The following PTBP2 variants were observed in gnomAD, a reference collection of about 807,000 sequenced individuals.
The protein encoded by PTBP2 is polypyrimidine tract binding protein 2, also known as polypyrimidine tract-binding protein 2.
PTBP2 carries 13 observed loss-of-function variants against 61.4 expected under a neutral mutation model. The observed-to-expected ratio is 0.21, with a 90% CI of 0.14 to 0.34. The LOEUF (loss-of-function observed/expected upper bound fraction) is 0.34. PTBP2 is among the 10% of genes least tolerant of loss of function. PTBP2 has a pLI of 1.00. For missense variants in PTBP2, 405 were observed against 642.6 expected (o/e 0.63, Z 4.00); for synonymous variants, 215 against 218.5 (o/e 0.98, Z 0.14).
chr1:96,766,692 C>T (rs1656760191), intron 3 of PTBP2, among the ~76,000 whole-genome samples: 2 of 152,092 alleles, frequency 1.3e-5, no homozygotes, highest in Non-Finnish European at 2.9e-5. Context: ...ATATTTGGCA[C>T]TAAGATATGA....
intron 9 of PTBP2, among the ~76,000 whole-genome samples, chr1:96,805,348 T>A (rs1206778470): frequency 1.3e-5 from 2 of 152,214 alleles, no homozygotes; most frequent in African/African-American, 4.8e-5. Flanking sequence ...GCATTTTTTT[T>A]AAATCTTATT....
chr1:96,816,270 C>G (rs1489582959), downstream of PTBP2: 1 of 152,096 alleles, frequency 6.6e-6, no homozygotes, highest in Non-Finnish European at 1.5e-5. Flanking sequence ...ATTTTTAATT[C>G]AGTACATCAA....
chr1:96,803,183 G>A lies in PTBP2; in HGVS notation c.905-1617G>A, dbSNP rs1174971859. ...ATTCAAAGACACACTGAAGACTATT[G>A]TGCATTAGTAAGTATTAAACATGAG... On this transcript the variant is annotated intron_variant, in intron 8 of 13. Coordinates refer to ENST00000674951, the MANE Select transcript of PTBP2 (RefSeq NM_021190.4). Among the ~76,000 whole-genome samples the A allele has an allele frequency of 7.2e-5, 11 of 152,126 alleles. 1 individual carries two copies. The highest frequency in any genetic ancestry group is 7.2e-4 in the Admixed American group (11 of 15,282).
chr1:96,734,903 CTTTTTT>C (rs369053938), intron 2 of PTBP2, among the ~76,000 whole-genome samples: 2 of 124,964 alleles, frequency 1.6e-5, no homozygotes, highest in Non-Finnish European at 3.3e-5. Flanking sequence ...CTTTTTTTTT[CTTTTTT>C]TTTTTTTTTT....
At chr1:96,778,029 T>TGCTACAA in intron 7 of PTBP2, 83 bp downstream of exon 7, 2 of 588,984 alleles carry the variant, frequency 3.4e-6, no homozygotes, top group Non-Finnish European at 5.5e-6. Context: ...GTATACTTAA[T>TGCTACAA]GATATCTTGT....
intron 2 of PTBP2, among the ~76,000 whole-genome samples, chr1:96,744,965 T>C (rs190661781): frequency 1.0e-3 from 154 of 152,312 alleles, no homozygotes; most frequent in African/African-American, 3.5e-3. Flanking sequence ...AATTGTCCTC[T>C]CACAAATGTA....
Position 96,791,829 on chromosome 1 carries a change from T to TTTTTTG in PTBP2, c.904+6580_904+6581insGTTTTT, listed in dbSNP as rs1227829597. Among the ~76,000 whole-genome samples the TTTTTTG allele has an allele frequency of 2.6e-3, 330 of 125,752 alleles. 21 individuals carry two copies. The highest frequency in any genetic ancestry group is 0.01 in the African/African-American group (302 of 28,778). The allele number at this position is 125,752 out of a possible 152,430, so 82.5% of individuals were successfully genotyped here. The stretch of plus-strand genomic sequence containing the variant: ...ACCTCTGTTGCTTGGAGTTGTGCTT[T>TTTTTTG]TTTTTTTTTTTTTTTTTTTTGAGAT... On this transcript the variant is annotated intron_variant, in intron 8 of 13. Coordinates refer to ENST00000674951, the MANE Select transcript of PTBP2 (RefSeq NM_021190.4).
chr1:96,782,994 AT>A (rs2101064734), intron 7 of PTBP2, among the ~76,000 whole-genome samples: 1 of 152,062 alleles, frequency 6.6e-6, no homozygotes, highest in Admixed American at 6.6e-5. Flanking sequence ...GAGTAGGCAC[AT>A]TTGGAAGGTC....
At chr1:96,795,334 T>G (rs545990362) in intron 8 of PTBP2, among the ~76,000 whole-genome samples, 1 of 152,136 alleles carries the variant, frequency 6.6e-6, no homozygotes, top group South Asian at 2.1e-4. Flanking sequence ...GAAAATTATA[T>G]GTAAAAGTAA....
At chr1:96,783,985 C>T (rs1658958178) in intron 7 of PTBP2, among the ~76,000 whole-genome samples, 1 of 151,860 alleles carries the variant, frequency 6.6e-6, no homozygotes, top group South Asian at 2.1e-4. Context: ...GTAGATTAGT[C>T]CATAAAAAAA....
At chr1:96,811,708 G>A (rs1056061507) in intron 11 of PTBP2, among the ~76,000 whole-genome samples, 6 of 152,122 alleles carry the variant, frequency 3.9e-5, no homozygotes, top group African/African-American at 9.7e-5. Flanking sequence ...GAGCCAACGC[G>A]CCCGGCATCT....
chr1:96,770,736 C>T lies in PTBP2; in HGVS notation c.317C>T (p.Ala106Val). 6.2e-7 allele frequency: 1 copy of T among 1,611,850 alleles called. No homozygotes were observed. The highest frequency in any genetic ancestry group is 1.1e-5 in the South Asian group (1 of 90,740). The change falls in exon 5 of 14, where the codon GCA (alanine) becomes GTA (valine). Residue 106 changes from alanine to valine, a missense_variant. By Grantham distance (64) the Ala-to-Val change is moderately conservative. Coordinates refer to ENST00000674951, the MANE Select transcript of PTBP2 (RefSeq NM_021190.4). ...TTTTTGGAACTAGCAACCGAGGAAGCAGCTATTACTATGGTTAATTACTAT... is the reference window on the plus strand; with the variant it reads ...TTTTTGGAACTAGCAACCGAGGAAGTAGCTATTACTATGGTTAATTACTAT... Reference protein sequence around the residue: ...QAFLELATEEAAITMVNYYSA... With the variant: ...QAFLELATEEVAITMVNYYSA...
At chr1:96,738,555 G>A (rs966080271) in intron 2 of PTBP2, among the ~76,000 whole-genome samples, 2 of 152,156 alleles carry the variant, frequency 1.3e-5, no homozygotes, top group Admixed American at 1.3e-4. Context: ...GATTGATTGG[G>A]TTTGAGCCCC....
intron 3 of PTBP2, among the ~76,000 whole-genome samples, chr1:96,764,307 T>C (rs545207844): frequency 2.0e-5 from 3 of 152,342 alleles, no homozygotes; most frequent in Admixed American, 1.3e-4. Flanking sequence ...TCAAGAGATA[T>C]AAAAGTGAAA....
At chr1:96,732,896 G>C (rs1651621217) in intron 2 of PTBP2, among the ~76,000 whole-genome samples, 1 of 152,112 alleles carries the variant, frequency 6.6e-6, no homozygotes, top group Non-Finnish European at 1.5e-5. Context: ...AGATAGAATG[G>C]CAGATAGGTT....
intron 2 of PTBP2, among the ~76,000 whole-genome samples, chr1:96,725,165 A>AAATG (rs1374754235): frequency 1.3e-5 from 2 of 152,240 alleles, no homozygotes; most frequent in Admixed American, 6.5e-5. Context: ...GTAAAAGAAT[A>AAATG]AATGATACAA....
intron 8 of PTBP2, among the ~76,000 whole-genome samples, chr1:96,795,274 T>C (rs1660256050): frequency 6.6e-6 from 1 of 152,098 alleles, no homozygotes; most frequent in Admixed American, 6.5e-5. Flanking sequence ...TAATTATAAA[T>C]CTAAGCTAGG....
downstream of PTBP2, chr1:96,817,739 T>A (rs926589340): frequency 1.2e-4 from 19 of 152,132 alleles, no homozygotes; most frequent in African/African-American, 4.6e-4. Flanking sequence ...GAGGTAATTG[T>A]TACCTTCAGT....
intron 2 of PTBP2, among the ~76,000 whole-genome samples, chr1:96,733,419 C>G (rs1391680036): frequency 6.6e-6 from 1 of 152,202 alleles, no homozygotes; most frequent in Non-Finnish European, 1.5e-5. Context: ...TGGCTCACAC[C>G]TGTAATCCCA....
Sources: gnomAD v4.1 joint callset for allele counts (sites outside exome capture counted in the v4.1 genomes callset) on GRCh38, gnomAD v4.1.1 for gene constraint, MANE v1.5 for transcripts, NCBI Gene and HGNC (gene_info 2026-07-23, HGNC 2026-07-21) for gene names.